LEMD1: variants seen among roughly 807,000 people sequenced by gnomAD.
LEMD1 encodes the protein LEM domain-containing protein 1.
LEMD1 carries 18 observed loss-of-function variants against 17.4 expected under a neutral mutation model. That is an observed-to-expected ratio of 1.04 (90% CI 0.72 to 1.54). The LOEUF (loss-of-function observed/expected upper bound fraction) is 1.54. Ranked by LOEUF, LEMD1 falls within the 40% of genes most tolerant of loss-of-function variation. The probability of loss-of-function intolerance (pLI) is 0.00; values close to 1 mark genes in which losing one functional copy is unlikely to be tolerated. For missense variants in LEMD1, 195 were observed against 210.4 expected (o/e 0.93, Z 0.45); for synonymous variants, 88 against 77.8 (o/e 1.13, Z -0.69).
At chr1:205,403,283 T>C (rs1240838823) in intron 4 of LEMD1, among the ~76,000 whole-genome samples, 1 of 151,866 alleles carries the variant, frequency 6.6e-6, no homozygotes, top group Non-Finnish European at 1.5e-5. Flanking sequence ...ATGGTACCAG[T>C]TCCTCCTTGT....
chr1:205,443,250 A>G (rs1043844888), intron 1 of LEMD1, among the ~76,000 whole-genome samples: 4 of 151,410 alleles, frequency 2.6e-5, no homozygotes, highest in Admixed American at 6.6e-5. Context: ...CAGCCCCACA[A>G]ACAGGTCAAG....
intron 1 of LEMD1, among the ~76,000 whole-genome samples, chr1:205,434,512 C>A (rs116004230): frequency 0.016 from 2,445 of 152,204 alleles, 38 homozygotes; most frequent in Admixed American, 0.024. Flanking sequence ...ACCTTTAAGA[C>A]TATGTGATCA....
upstream of LEMD1, among the ~76,000 whole-genome samples, chr1:205,425,045 G>GT (rs1666037444): frequency 1.3e-5 from 2 of 152,174 alleles, no homozygotes; most frequent in African/African-American, 4.8e-5. Context: ...GGCTGATTAT[G>GT]TGTTTCCTCC....
intron 4 of LEMD1, chr1:205,387,065 T>C (rs953042895): frequency 5.9e-5 from 9 of 152,154 alleles, no homozygotes; most frequent in Non-Finnish European, 1.3e-4. Flanking sequence ...CAAAATCAAA[T>C]GATAGAATTT....
chr1:205,434,202 C>G (rs899711870), intron 1 of LEMD1, among the ~76,000 whole-genome samples: 6 of 150,398 alleles, frequency 4.0e-5, no homozygotes, highest in African/African-American at 1.2e-4. Context: ...TTTTTTCTCT[C>G]TCTTTTGAGA....
At chr1:205,415,586 G>C (rs1665658949) in intron 4 of LEMD1, among the ~76,000 whole-genome samples, 1 of 152,216 alleles carries the variant, frequency 6.6e-6, no homozygotes, top group Admixed American at 6.5e-5. Flanking sequence ...TTGGCACCTT[G>C]GAGTTCATTA....
chr1:205,391,295 A>C (rs1255861849), intron 4 of LEMD1, among the ~76,000 whole-genome samples: 2 of 152,106 alleles, frequency 1.3e-5, no homozygotes, highest in Non-Finnish European at 2.9e-5. Flanking sequence ...TGGAAGATAT[A>C]GAGAGAAGGT....
At chr1:205,439,362 G>T (rs898198685) in intron 1 of LEMD1, among the ~76,000 whole-genome samples, 1 of 152,228 alleles carries the variant, frequency 6.6e-6, no homozygotes, top group Non-Finnish European at 1.5e-5. Flanking sequence ...GGGGTTGGAG[G>T]ATGGGAGGAG....
At chr1:205,382,170 T>TA (rs1030994613) in intron 5 of LEMD1, 1,441 of 231,334 alleles carry the variant, frequency 6.2e-3, no homozygotes, top group South Asian at 0.011. Flanking sequence ...CCCAGCTAAT[T>TA]AAAAAAAAAA....
intron 4 of LEMD1, among the ~76,000 whole-genome samples, chr1:205,408,753 A>G (rs1665246537): frequency 6.6e-6 from 1 of 150,644 alleles, no homozygotes; most frequent in African/African-American, 2.4e-5. Flanking sequence ...TCCCTCCTTG[A>G]CCTCCCAAAG....
chr1:205,412,935 T>C (rs1018112953), intron 4 of LEMD1, among the ~76,000 whole-genome samples: 2 of 152,242 alleles, frequency 1.3e-5, no homozygotes, highest in Non-Finnish European at 2.9e-5. Flanking sequence ...TTAAAGGGTT[T>C]TCTGCAGAAC....
At chr1:205,416,052 A>T (rs1665679580) in intron 4 of LEMD1, among the ~76,000 whole-genome samples, 180 bp downstream of exon 4, 1 of 152,120 alleles carries the variant, frequency 6.6e-6, no homozygotes, top group Non-Finnish European at 1.5e-5. Context: ...CCTCTGCTAG[A>T]TCATGGAAAT....
At chr1:205,393,080 T>C (rs915123399) in intron 4 of LEMD1, among the ~76,000 whole-genome samples, 3 of 151,882 alleles carry the variant, frequency 2.0e-5, no homozygotes, top group African/African-American at 4.8e-5. Flanking sequence ...AGACAATGTA[T>C]AGACTGGAAA....
intron 1 of LEMD1, among the ~76,000 whole-genome samples, chr1:205,439,342 G>A (rs1186067313): frequency 1.3e-5 from 2 of 152,208 alleles, no homozygotes; most frequent in African/African-American, 2.4e-5. Flanking sequence ...AGGAGGTAGG[G>A]GCAAAGGAAG....
At chr1:205,388,221 C>T (rs1664136948) in intron 4 of LEMD1, among the ~76,000 whole-genome samples, 1 of 149,008 alleles carries the variant, frequency 6.7e-6, no homozygotes, top group African/African-American at 2.5e-5. Flanking sequence ...TTTTTTGTGA[C>T]AGAGTCTTGC....
At position 205,400,725 on chromosome 1, in the gene LEMD1, T is replaced by A. The variant is rs1363247321; in HGVS notation, c.270+15507A>T. Among the ~76,000 whole-genome samples, 4 of 152,154 alleles carry A rather than the reference T, an allele frequency of 2.6e-5. No individual in the cohort carries two copies. The East Asian group carries it at 7.7e-4, about 29-fold the overall frequency. On this transcript the variant is annotated intron_variant, in intron 4 of 5. Coordinates refer to ENST00000367153, the MANE Select transcript of LEMD1 (RefSeq NM_001199050.2). ...TTTTAAATTATTATTATACTTTAAG[T>A]TCTAGGGTACATGTGCACAATGTGC...
Position 205,447,914 on chromosome 1 carries a change from A to C in LEMD1, c.-39+1954T>G, listed in dbSNP as rs142262791. Among the ~76,000 whole-genome samples, 743 of 152,300 alleles carry C rather than the reference A, an allele frequency of 4.9e-3. 6 individuals carry two copies. Among genetic ancestry groups the C allele is most frequent in the African/African-American group, 0.017 (709 of 41,558 alleles). On this transcript the variant is annotated intron_variant, in intron 1 of 3. Coordinates refer to the LEMD1 transcript ENST00000367154. ...CTGACCTCAGAGAAAGGAGTGAAGG[A>C]GTGAGGTTTTCCTGGAGGCACTGAG...
chr1:205,424,486 T>G (rs1185682587), upstream of LEMD1, among the ~76,000 whole-genome samples: 1 of 152,088 alleles, frequency 6.6e-6, no homozygotes, highest in East Asian at 1.9e-4. Flanking sequence ...CAAGGAGAGG[T>G]AGAGGAGACT....
At chr1:205,388,202 CTT>C (rs11317071) in intron 4 of LEMD1, among the ~76,000 whole-genome samples, 48 of 145,870 alleles carry the variant, frequency 3.3e-4, no homozygotes, top group African/African-American at 4.0e-4. Context: ...ATCTTTCTTT[CTT>C]TTTTTTTTTT....
Sources: gnomAD v4.1 joint callset for allele counts (sites outside exome capture counted in the v4.1 genomes callset) on GRCh38, gnomAD v4.1.1 for gene constraint, MANE v1.5 for transcripts, NCBI Gene and HGNC (gene_info 2026-07-23, HGNC 2026-07-21) for gene names.